Variants in ZNF248 observed in about 807,000 individuals in gnomAD.
The protein encoded by ZNF248 is zinc finger protein 248.
ZNF248 carries 20 observed loss-of-function variants against 44.3 expected under a neutral mutation model. The ratio of observed to expected loss-of-function variants is 0.45; its 90% CI spans 0.32 to 0.66. The LOEUF is 0.66. Ranked by LOEUF, ZNF248 falls within the 30% of genes least tolerant of loss-of-function variation. The pLI, the probability that ZNF248 is intolerant of heterozygous loss-of-function variation, is 0.04. For missense variants in ZNF248, 654 were observed against 677.0 expected, an observed-to-expected ratio of 0.97 and a Z score of 0.38; for synonymous variants, 224 against 229.0, an observed-to-expected ratio of 0.98 and a Z score of 0.20.
At chr10:37,763,952 C>T in the ZNF248 span, among the ~76,000 whole-genome samples, 2 of 152,112 alleles carry the variant, frequency 1.3e-5, no homozygotes, top group African/African-American at 4.8e-5. Flanking sequence ...CCTCAGGACC[C>T]TGTGATGATT....
intron 6 of ZNF248, among the ~76,000 whole-genome samples, chr10:37,823,656 C>T (rs534268380): frequency 6.6e-6 from 1 of 152,090 alleles, no homozygotes; most frequent in South Asian, 2.1e-4. Flanking sequence ...TCACTGCAAC[C>T]TCCATCTCCT....
chr10:37,764,877 T>A, the ZNF248 span, among the ~76,000 whole-genome samples: 1 of 152,064 alleles, frequency 6.6e-6, no homozygotes, highest in Non-Finnish European at 1.5e-5. Context: ...AATTCATGCA[T>A]AAGACATGCA....
At chr10:37,814,026 A>C (rs1470323776) in intron 6 of ZNF248, among the ~76,000 whole-genome samples, 1 of 152,230 alleles carries the variant, frequency 6.6e-6, no homozygotes, top group African/African-American at 2.4e-5. Context: ...AGTAATAACC[A>C]AAAATGAAGG....
chr10:37,782,262 C>G (rs145922213), intron 6 of ZNF248, among the ~76,000 whole-genome samples: 2 of 152,244 alleles, frequency 1.3e-5, no homozygotes, highest in East Asian at 3.9e-4. Context: ...GGTTTGTAGA[C>G]AGAGAGGAAT....
intron 6 of ZNF248, chr10:37,791,443 T>C (rs2048539441): frequency 6.6e-6 from 1 of 152,210 alleles, no homozygotes; most frequent in Non-Finnish European, 1.5e-5. Flanking sequence ...TTTAGCACAC[T>C]ATTACTTTCA....
chr10:37,806,481 C>T (rs1166942310), intron 6 of ZNF248, among the ~76,000 whole-genome samples: 1 of 151,640 alleles, frequency 6.6e-6, no homozygotes, highest in East Asian at 1.9e-4. Context: ...TTTGCATTTC[C>T]TTAATAACTA....
chr10:37,829,899 A>G lies in ZNF248; in HGVS notation c.*1716T>C. ...GATTAGCTTTGACTAATCTGGACTT[A>G]CCACCTAAGTCATCTGGGAGAAGGA... On this transcript the variant is annotated 3_prime_UTR_variant, in exon 6 of 6. Coordinates refer to ENST00000395867, the MANE Select transcript of ZNF248 (RefSeq NM_021045.3). 1.0e-6 allele frequency: 1 copy of G among 985,408 alleles called. No homozygotes were observed. The highest frequency in any genetic ancestry group is 5.2e-4 in the Middle Eastern group (1 of 1,914). 61.0% of individuals were successfully genotyped at this position (985,408 alleles called of 1,614,324 possible). A position where few individuals can be genotyped will look rare whatever the true frequency, so the allele number is the denominator to read the frequency against.
intron 6 of ZNF248, among the ~76,000 whole-genome samples, chr10:37,813,126 A>C (rs1455429551): frequency 1.3e-5 from 2 of 152,206 alleles, no homozygotes; most frequent in Non-Finnish European, 2.9e-5. Flanking sequence ...AGAGGAATTA[A>C]CAGATGACTT....
intron 6 of ZNF248, chr10:37,794,775 A>C (rs919956991): frequency 1.3e-5 from 2 of 159,154 alleles, no homozygotes; most frequent in African/African-American, 2.4e-5. Flanking sequence ...TCTGATGCAC[A>C]CTCAGTGTTG....
intron 6 of ZNF248, chr10:37,818,777 C>T: frequency 1.3e-6 from 1 of 772,998 alleles, no homozygotes; most frequent in South Asian, 1.5e-5. Flanking sequence ...CAAATAAACG[C>T]CTTTGCTTCA....
intron 3 of ZNF248, among the ~76,000 whole-genome samples, chr10:37,852,504 T>C (rs2060455602): frequency 6.6e-6 from 1 of 151,738 alleles, no homozygotes; most frequent in African/African-American, 2.4e-5. Context: ...AGGGCCAGGA[T>C]GGAGGTAGGT....
intron 6 of ZNF248, chr10:37,818,650 C>T (rs1055198221): frequency 4.9e-5 from 25 of 505,962 alleles, no homozygotes; most frequent in Non-Finnish European, 7.9e-5. Flanking sequence ...GATGCAATAG[C>T]AGCCCCAGCA....
At chr10:37,826,812 T>A (rs2054460103), downstream of ZNF248, among the ~76,000 whole-genome samples, 1 of 152,336 alleles carries the variant, frequency 6.6e-6, no homozygotes, top group Admixed American at 6.5e-5. Context: ...TTGTACATAT[T>A]CTAGCATTTG....
chr10:37,802,497 A>T (rs1467161269), intron 6 of ZNF248, among the ~76,000 whole-genome samples: 1 of 152,188 alleles, frequency 6.6e-6, no homozygotes, highest in Non-Finnish European at 1.5e-5. Flanking sequence ...ATTTCCTACT[A>T]ATTCATAAAA....
At chr10:37,819,015 G>A in intron 6 of ZNF248, 2 of 869,812 alleles carry the variant, frequency 2.3e-6, no homozygotes, top group Non-Finnish European at 3.9e-6. Flanking sequence ...CCAGCACCTT[G>A]TGATGTCAGC....
At chr10:37,818,959 G>C (rs780699223) in intron 6 of ZNF248, 1 of 1,090,384 alleles carries the variant, frequency 9.2e-7, no homozygotes, top group Non-Finnish European at 1.4e-6. Context: ...GATCTTTGGT[G>C]GTTCTTTCTC....
At chr10:37,827,526 A>G (rs1358034136), downstream of ZNF248, among the ~76,000 whole-genome samples, 1 of 152,170 alleles carries the variant, frequency 6.6e-6, no homozygotes, top group Non-Finnish European at 1.5e-5. Context: ...TTGTCATCTG[A>G]AAGAGAAGCC....
intron 6 of ZNF248, chr10:37,803,404 T>C (rs2050081596): frequency 6.6e-6 from 1 of 152,290 alleles, no homozygotes; most frequent in Non-Finnish European, 1.5e-5. Flanking sequence ...TCCTCTCCTG[T>C]GCTGCCTGCC....
At chr10:37,852,461 A>T (rs998098897) in intron 3 of ZNF248, among the ~76,000 whole-genome samples, 2 of 151,870 alleles carry the variant, frequency 1.3e-5, no homozygotes, top group Non-Finnish European at 2.9e-5. Flanking sequence ...TAATTTAGGG[A>T]GGAGTAGGGG....
Sources: gnomAD v4.1 joint callset for allele counts (sites outside exome capture counted in the v4.1 genomes callset) on GRCh38, gnomAD v4.1.1 for gene constraint, MANE v1.5 for transcripts, NCBI Gene and HGNC (gene_info 2026-07-23, HGNC 2026-07-21) for gene names.